The following TEX2 variants were observed in gnomAD, a reference collection of about 807,000 sequenced individuals.
TEX2 encodes the protein testis expressed 2.
TEX2 carries 53 observed loss-of-function variants against 106.9 expected under a neutral mutation model. The observed-to-expected ratio is 0.50, with a 90% CI of 0.40 to 0.62. The LOEUF (loss-of-function observed/expected upper bound fraction) is 0.62. TEX2 is among the 20% of genes least tolerant of loss of function. The probability of loss-of-function intolerance (pLI) is 0.00; values close to 1 mark genes in which losing one functional copy is unlikely to be tolerated. For synonymous variants in TEX2, 523 were observed against 534.8 expected (o/e 0.98, Z 0.30); for missense variants, 1,207 against 1,379.0 (o/e 0.88, Z 1.98).
At chr17:64,166,315 G>C (rs2031134528) in intron 7 of TEX2, among the ~76,000 whole-genome samples, 1 of 152,268 alleles carries the variant, frequency 6.6e-6, no homozygotes, top group African/African-American at 2.4e-5. Context: ...GCACTTGAAG[G>C]ATGAGGAAAC....
At chr17:64,262,183 C>T (rs377182064) in intron 1 of TEX2, among the ~76,000 whole-genome samples, 68 of 152,294 alleles carry the variant, frequency 4.5e-4, no homozygotes, top group African/African-American at 1.6e-3. Context: ...TGGCACGAGC[C>T]CTGCCCTCAA....
intron 1 of TEX2, among the ~76,000 whole-genome samples, chr17:64,262,794 G>C (rs1477997657): frequency 6.6e-6 from 1 of 152,242 alleles, no homozygotes; most frequent in African/African-American, 2.4e-5. Flanking sequence ...GCCGGTGAGG[G>C]GGGCGGCAGG....
chr17:64,225,191 C>A (rs1364640253), intron 1 of TEX2, among the ~76,000 whole-genome samples: 1 of 151,726 alleles, frequency 6.6e-6, no homozygotes, highest in East Asian at 1.9e-4. Flanking sequence ...GTGGCTCAAG[C>A]CTGTAATTCC....
At position 64,160,787 on chromosome 17, in the gene TEX2, A is replaced by G. The variant is rs2030847604; in HGVS notation, c.2804+14T>C. ...CCCAGGATTGGATTAGTAAATTCAT[A>G]TATAGCCCCTTACCCTTCTTTGCCA... On this transcript the variant is annotated intron_variant, in intron 8 of 11. Transcript: ENST00000584379. The G allele has an allele frequency of 6.2e-7, 1 of 1,613,340 alleles. No individual in the cohort carries two copies. The highest frequency in any genetic ancestry group is 8.5e-7 in the Non-Finnish European group (1 of 1,179,770).
At chr17:64,247,450 G>A (rs781850305) in intron 1 of TEX2, among the ~76,000 whole-genome samples, 4 of 152,138 alleles carry the variant, frequency 2.6e-5, no homozygotes, top group Non-Finnish European at 4.4e-5. Context: ...CAGGACACCT[G>A]GCTAGGATGA....
chr17:64,155,177 A>T (rs914663755), intron 8 of TEX2: 5 of 483,356 alleles, frequency 1.0e-5, no homozygotes, highest in African/African-American at 1.0e-4. Flanking sequence ...GACACTCTTC[A>T]GCACCAAGGC....
chr17:64,154,785 C>T, intron 9 of TEX2, 57 bp downstream of exon 9: 1 of 1,467,934 alleles, frequency 6.8e-7, no homozygotes, highest in Non-Finnish European at 9.0e-7. Context: ...GGTTCACTCC[C>T]AACTTGCTGT....
At chr17:64,236,465 G>A (rs1207566038) in intron 1 of TEX2, among the ~76,000 whole-genome samples, 2 of 152,196 alleles carry the variant, frequency 1.3e-5, no homozygotes, top group Non-Finnish European at 2.9e-5. Flanking sequence ...CCTGGAGGCT[G>A]AGTGGGGAGG....
rs2030178583 is a variant in TEX2, at chr17:64,148,561, T to C, written c.*408A>G. The stretch of plus-strand genomic sequence containing the variant: ...AGTGTGGAAGGCCGCATACAAAGTA[T>C]AGAAGTGAAAAAGTCCACTGTGCAC... On this transcript the variant is annotated 3_prime_UTR_variant, in exon 12 of 12. Transcript: ENST00000584379. The C allele has an allele frequency of 6.0e-6, 1 of 167,686 alleles. No homozygotes were observed. Among genetic ancestry groups the C allele is most frequent in the African/African-American group, 2.4e-5 (1 of 41,736 alleles). 10.4% of individuals were successfully genotyped at this position (167,686 alleles called of 1,614,324 possible).
chr17:64,179,550 G>C (rs1217798282), intron 5 of TEX2, among the ~76,000 whole-genome samples: 2 of 152,122 alleles, frequency 1.3e-5, no homozygotes, highest in Non-Finnish European at 2.9e-5. Flanking sequence ...CACTCACCAT[G>C]AAGGTCCGAG....
intron 2 of TEX2, among the ~76,000 whole-genome samples, chr17:64,207,243 A>T (rs1451422820): frequency 6.6e-6 from 1 of 152,216 alleles, no homozygotes; most frequent in African/African-American, 2.4e-5. Flanking sequence ...GTGAGAACTT[A>T]TACGGCTCAG....
intron 1 of TEX2, among the ~76,000 whole-genome samples, chr17:64,261,500 C>T (rs2034286522): frequency 6.6e-6 from 1 of 152,162 alleles, no homozygotes; most frequent in Non-Finnish European, 1.5e-5. Flanking sequence ...CAACAATCAG[C>T]CCAAACCAAA....
chr17:64,179,502 C>T (rs536003101), intron 5 of TEX2, among the ~76,000 whole-genome samples: 3 of 152,350 alleles, frequency 2.0e-5, no homozygotes, highest in East Asian at 1.9e-4. Context: ...CTTCCTACTA[C>T]TCACTCTTTG....
intron 2 of TEX2, among the ~76,000 whole-genome samples, chr17:64,200,650 G>GAGAA (rs1555629979): frequency 1.3e-5 from 2 of 152,226 alleles, no homozygotes. Flanking sequence ...ATGTGAAAGA[G>GAGAA]AGAAGGGAGT....
chr17:64,216,258 T>C (rs1282467921), intron 1 of TEX2, among the ~76,000 whole-genome samples: 2 of 152,154 alleles, frequency 1.3e-5, no homozygotes, highest in African/African-American at 2.4e-5. Context: ...AGAAGAAAAA[T>C]ATCAGAAGCA....
intron 1 of TEX2, among the ~76,000 whole-genome samples, chr17:64,232,304 T>C (rs557988182): frequency 1.6e-4 from 24 of 152,324 alleles, no homozygotes; most frequent in Non-Finnish European, 1.0e-4. Flanking sequence ...GAGCTGTGGA[T>C]AAGATCTGTA....
rs371552898 is a variant in TEX2, at chr17:64,171,236, A to G, written c.2572-37T>C. The G allele has an allele frequency of 3.2e-6, 5 of 1,549,756 alleles. No individual in the cohort carries two copies. In the African/African-American group the frequency reaches 6.8e-5, roughly 21 times the overall value. On this transcript the variant is annotated intron_variant, in intron 6 of 11. Transcript: ENST00000584379. ...AAGCAAACAATGAGTGAGACCCATGAGCAACCTACAAAACATGCTGTTGCA... is the reference window on the plus strand; with the variant it reads ...AAGCAAACAATGAGTGAGACCCATGGGCAACCTACAAAACATGCTGTTGCA...
intron 6 of TEX2, among the ~76,000 whole-genome samples, chr17:64,172,403 T>C (rs1353048961): frequency 6.6e-6 from 1 of 150,644 alleles, no homozygotes; most frequent in Non-Finnish European, 1.5e-5. Flanking sequence ...TGCTGAACAT[T>C]TTCTGTTTGC....
chr17:64,211,160 C>T (rs3863512), intron 2 of TEX2, among the ~76,000 whole-genome samples: 69,460 of 151,908 alleles, frequency 0.46, 19,455 homozygotes, highest in East Asian at 0.83. Context: ...AGGGTTTCAC[C>T]ATGTTGGCCA....
Sources: gnomAD v4.1 joint callset for allele counts (sites outside exome capture counted in the v4.1 genomes callset) on GRCh38, gnomAD v4.1.1 for gene constraint, MANE v1.5 for transcripts, NCBI Gene and HGNC (gene_info 2026-07-23, HGNC 2026-07-21) for gene names.